PRKAR2A: variants seen among roughly 807,000 people sequenced by gnomAD.
PRKAR2A encodes protein kinase cAMP-dependent type II regulatory subunit alpha, also known as cAMP-dependent protein kinase type II-alpha regulatory subunit.
In PRKAR2A, 29 loss-of-function variants were observed where a neutral mutation model predicts 51.9. The ratio of observed to expected loss-of-function variants is 0.56; its 90% CI spans 0.42 to 0.76. PRKAR2A has a LOEUF of 0.76. PRKAR2A is among the 30% of genes least tolerant of loss of function. PRKAR2A has a pLI of 0.00. For missense variants in PRKAR2A, 445 were observed against 512.1 expected, an observed-to-expected ratio of 0.87 and a Z score of 1.26; for synonymous variants, 178 against 186.2, an observed-to-expected ratio of 0.96 and a Z score of 0.36.
chr3:48,756,506 G>GGGGAAAAAAGAAAAGT, intron 8 of PRKAR2A, 62 bp from the exon 9 acceptor site: 1 of 1,269,894 alleles, frequency 7.9e-7, no homozygotes, highest in East Asian at 2.3e-5. Context: ...TAAAGAAATA[G>GGGGAAAAAAGAAAAGT]ATTGCTTTTT....
intron 1 of PRKAR2A, among the ~76,000 whole-genome samples, chr3:48,828,278 C>A (rs573139730): frequency 1.3e-5 from 2 of 152,138 alleles, no homozygotes; most frequent in Non-Finnish European, 2.9e-5. Context: ...TGGCCCACAA[C>A]AGCCTCAAAC....
intron 1 of PRKAR2A, among the ~76,000 whole-genome samples, chr3:48,839,991 A>G (rs2083350587): frequency 6.6e-6 from 1 of 152,176 alleles, no homozygotes; most frequent in African/African-American, 2.4e-5. Flanking sequence ...TCCCAAACTG[A>G]AACTCTGTAC....
chr3:48,815,472 G>C (rs1397579937), intron 1 of PRKAR2A, among the ~76,000 whole-genome samples: 1 of 151,186 alleles, frequency 6.6e-6, no homozygotes, highest in Non-Finnish European at 1.5e-5. Flanking sequence ...TGAGGCGGGC[G>C]GATCACGGGG....
At position 48,775,634 on chromosome 3, in the gene PRKAR2A, G is replaced by A. The variant is rs545085614; in HGVS notation, c.543-2526C>T. On this transcript the variant is annotated intron_variant, in intron 5 of 10. Coordinates refer to ENST00000265563, the MANE Select transcript of PRKAR2A (RefSeq NM_004157.4). ...AGCAAACGCCTTAAAAAGACCCTTT[G>A]ATATTGCAATTCCATTTCTAGTCAT... is the stretch of plus-strand genomic sequence containing the variant. 2.5e-4 allele frequency among the ~76,000 whole-genome samples: 38 copies of A among 151,856 alleles called. No homozygotes were observed. The South Asian group carries it at 7.7e-3, about 31-fold the overall frequency.
rs749330420 is a variant in PRKAR2A at position 48,790,380 on chromosome 3, G to A, written c.435+164C>T. Among the ~76,000 whole-genome samples the A allele has an allele frequency of 8.5e-5, 13 of 152,174 alleles. 1 individual carries two copies. The highest frequency in any genetic ancestry group is 1.8e-4 in the Non-Finnish European group (12 of 68,040). On this transcript the variant is annotated intron_variant, in intron 4 of 10. Transcript: ENST00000265563. The stretch of plus-strand genomic sequence containing the variant: ...AAAGGCATCTGAAAGATCATGCCTG[G>A]GTTAAAGTGGTCAATACAATGAAAA...
rs1368475883 is a variant in PRKAR2A at position 48,748,914 on chromosome 3, G to A, written c.*2671C>T. On this transcript the variant is annotated 3_prime_UTR_variant, in exon 11 of 11. Transcript: ENST00000265563. ...GCTGCAATGTAGGCTACAGAGGGCA[G>A]TCTGAAAAGAGTCCTTCTGCTTTCG... 2 of 152,248 alleles carry A rather than the reference G, an allele frequency of 1.3e-5. No individual in the cohort carries two copies. Among genetic ancestry groups the A allele is most frequent in the South Asian group, 2.1e-4 (1 of 4,836 alleles). 9.4% of individuals were successfully genotyped at this position (152,248 alleles called of 1,614,324 possible). A position where few individuals can be genotyped will look rare whatever the true frequency, so the allele number is the denominator to read the frequency against.
chr3:48,766,957 T>A (rs1236181749), intron 6 of PRKAR2A, among the ~76,000 whole-genome samples: 1 of 152,154 alleles, frequency 6.6e-6, no homozygotes, highest in Non-Finnish European at 1.5e-5. Flanking sequence ...GGACTACAGG[T>A]ACACAACACT....
intron 1 of PRKAR2A, among the ~76,000 whole-genome samples, chr3:48,815,151 T>C (rs1265580790): frequency 1.3e-5 from 2 of 151,952 alleles, no homozygotes; most frequent in Non-Finnish European, 2.9e-5. Flanking sequence ...CGACCTCAGG[T>C]GATCTGCCTG....
chr3:48,800,374 G>A (rs957351138), intron 2 of PRKAR2A, among the ~76,000 whole-genome samples: 13 of 151,020 alleles, frequency 8.6e-5, no homozygotes, highest in African/African-American at 2.4e-4. Flanking sequence ...TTAGCCAGGC[G>A]TGGTGGTGCA....
At chr3:48,821,495 T>G (rs1452911756) in intron 1 of PRKAR2A, among the ~76,000 whole-genome samples, 2 of 152,194 alleles carry the variant, frequency 1.3e-5, no homozygotes, top group East Asian at 1.9e-4. Flanking sequence ...TCTTGAGAGA[T>G]ATGAGTTCTA....
intron 9 of PRKAR2A, among the ~76,000 whole-genome samples, chr3:48,753,350 G>A (rs1221502786): frequency 6.6e-6 from 1 of 151,110 alleles, no homozygotes; most frequent in Non-Finnish European, 1.5e-5. Context: ...GTAAATAATT[G>A]TTTAGAATTT....
At chr3:48,842,688 T>C (rs1306048854) in intron 1 of PRKAR2A, among the ~76,000 whole-genome samples, 1 of 152,190 alleles carries the variant, frequency 6.6e-6, no homozygotes, top group African/African-American at 2.4e-5. Flanking sequence ...GTTTTTGTCT[T>C]TGGTTCTGTT....
intron 1 of PRKAR2A, among the ~76,000 whole-genome samples, chr3:48,812,414 T>C (rs1034155321): frequency 1.3e-5 from 2 of 151,468 alleles, no homozygotes; most frequent in African/African-American, 2.4e-5. Flanking sequence ...TTCTGAGGTG[T>C]AGTAACAGGA....
intron 5 of PRKAR2A, among the ~76,000 whole-genome samples, chr3:48,774,439 G>A (rs998072726): frequency 2.0e-5 from 3 of 152,116 alleles, no homozygotes; most frequent in Admixed American, 6.6e-5. Flanking sequence ...TAAACTGGGA[G>A]GGTTGCTTGA....
intron 1 of PRKAR2A, among the ~76,000 whole-genome samples, chr3:48,826,314 G>A (rs1373836957): frequency 1.3e-5 from 2 of 152,092 alleles, no homozygotes; most frequent in African/African-American, 4.8e-5. Context: ...ATATTCACTA[G>A]AACTCACAGA....
intron 1 of PRKAR2A, among the ~76,000 whole-genome samples, chr3:48,834,509 T>C (rs954176267): frequency 2.6e-5 from 4 of 152,064 alleles, no homozygotes; most frequent in African/African-American, 9.7e-5. Flanking sequence ...CTGAGGCAGA[T>C]GGATCACTTG....
Position 48,752,327 on chromosome 3 carries a change from G to A in PRKAR2A, c.940-10C>T. The A allele has an allele frequency of 1.2e-6, 2 of 1,612,522 alleles. No homozygotes were observed. Among genetic ancestry groups the A allele is most frequent in the Non-Finnish European group, 8.5e-7 (1 of 1,179,350 alleles). ...CCTTGTTTGATTTAGTCTACAGCAG[G>A]CAAAGAACATGACCTAGGCTGACTC... On this transcript the variant is annotated splice_polypyrimidine_tract_variant and intron_variant, in intron 9 of 10. Coordinates refer to ENST00000265563, the MANE Select transcript of PRKAR2A (RefSeq NM_004157.4).
intron 9 of PRKAR2A, among the ~76,000 whole-genome samples, chr3:48,755,732 A>G (rs2081750340): frequency 6.8e-6 from 1 of 147,812 alleles, no homozygotes; most frequent in East Asian, 2.0e-4. Flanking sequence ...CTAGGCCTCC[A>G]AAGTGCTAGG....
At chr3:48,755,952 T>C (rs556597385) in intron 9 of PRKAR2A, among the ~76,000 whole-genome samples, 1 of 152,180 alleles carries the variant, frequency 6.6e-6, no homozygotes, top group South Asian at 2.1e-4. Flanking sequence ...CTAATTTTTT[T>C]TGTATTTTCA....
Sources: gnomAD v4.1 joint callset for allele counts (sites outside exome capture counted in the v4.1 genomes callset) on GRCh38, gnomAD v4.1.1 for gene constraint, MANE v1.5 for transcripts, NCBI Gene and HGNC (gene_info 2026-07-23, HGNC 2026-07-21) for gene names.